CCDC174: variants seen among roughly 807,000 people sequenced by gnomAD.
The protein encoded by CCDC174 is coiled-coil domain-containing protein 174.
CCDC174 carries 37 observed loss-of-function variants against 57.1 expected under a neutral mutation model. The observed-to-expected ratio is 0.65, with a 90% CI of 0.50 to 0.85. The LOEUF is 0.85. CCDC174 is among the 40% of genes least tolerant of loss of function. The pLI is 0.00. For synonymous variants in CCDC174, 182 were observed against 190.2 expected (o/e 0.96, Z 0.35); for missense variants, 540 against 574.3 (o/e 0.94, Z 0.61).
At chr3:14,667,660 T>G in intron 8 of CCDC174, 142 bp downstream of exon 8, 1 of 675,050 alleles carries the variant, frequency 1.5e-6, no homozygotes. Flanking sequence ...CCATACTATT[T>G]TTGTGTTTCA....
chr3:14,666,999 A>T, intron 7 of CCDC174, 52 bp downstream of exon 7: 1 of 1,452,610 alleles, frequency 6.9e-7, no homozygotes, highest in South Asian at 1.3e-5. Flanking sequence ...CCTTAAACTG[A>T]TGGCAAACAT....
chr3:14,655,571 C>T lies in CCDC174; in HGVS notation c.190C>T (p.Arg64Ter), dbSNP rs2030929551. 5 of 1,609,806 alleles carry T rather than the reference C, an allele frequency of 3.1e-6. No homozygotes were observed. The highest frequency in any genetic ancestry group is 2.7e-5 in the African/African-American group (2 of 74,514). Residue 64 changes from arginine (R) to a stop codon, truncating the protein, a stop_gained, in exon 3 of 11, where the codon CGA (arginine) becomes TGA (stop). Coordinates refer to ENST00000383794, the MANE Select transcript of CCDC174 (RefSeq NM_016474.5). LOFTEE classifies it high-confidence loss of function. ...WSKQNVGVSN[R>*]AEKDAEQKIE... ...CAAACAGAATGTAGGCGTTTCAAAT[C>T]GAGCTGAGAAGGATGCTGAACAGAA...
At position 14,671,097 on chromosome 3, in the gene CCDC174, C is replaced by T. The variant is rs60239620; in HGVS notation, c.1307C>T (p.Thr436Met). The T allele has an allele frequency of 2.9e-4, 465 of 1,614,184 alleles. 1 individual carries two copies. The African/African-American group carries it at 3.9e-3, about 14-fold the overall frequency. Residue 436 changes from threonine to methionine, a missense_variant, in exon 11 of 11, where the codon ACG becomes ATG. Coordinates refer to ENST00000383794, the MANE Select transcript of CCDC174 (RefSeq NM_016474.5). ...AGCCACGGACCTAGCCCTGAACATA[C>T]GTCACCCACTCCTGCCCCCGACAAC... ...DQSHGPSPEHTSPTPAPDNPP... is the reference protein window; with the variant it reads ...DQSHGPSPEHMSPTPAPDNPP...
rs1312617856 is a variant in CCDC174, at chr3:14,651,999, A to G, written c.42+121A>G. ...CCAGAGACCTGACCTCTCCCCTCAAACAGGAACCCCCGAACTGGATTTTCT... is the reference window on the plus strand; with the variant it reads ...CCAGAGACCTGACCTCTCCCCTCAAGCAGGAACCCCCGAACTGGATTTTCT... On this transcript the variant is annotated intron_variant, in intron 1 of 10. Coordinates refer to ENST00000383794, the MANE Select transcript of CCDC174 (RefSeq NM_016474.5). 3 of 954,982 alleles carry G rather than the reference A, an allele frequency of 3.1e-6. No individual in the cohort carries two copies. The African/African-American group carries it at 4.9e-5, about 16-fold the overall frequency. The allele number at this position is 954,982 out of a possible 1,614,324, so 59.2% of individuals were successfully genotyped here.
chr3:14,652,019 T>A (rs2030785895), intron 1 of CCDC174, 141 bp downstream of exon 1: 1 of 840,554 alleles, frequency 1.2e-6, no homozygotes, highest in Non-Finnish European at 1.9e-6. Context: ...CCGAACTGGA[T>A]TTTCTTCTCC....
chr3:14,665,118 G>T lies in CCDC174; in HGVS notation c.576G>T (p.Gly192=). 3.1e-6 allele frequency: 5 copies of T among 1,610,412 alleles called. No homozygotes were observed. The highest frequency in any genetic ancestry group is 4.2e-6 in the Non-Finnish European group (5 of 1,176,548). The change falls in exon 6 of 11, where the codon GGG becomes GGT. Residue 192 remains glycine, a synonymous_variant. Coordinates refer to ENST00000383794, the MANE Select transcript of CCDC174 (RefSeq NM_016474.5). ...TGGAGATGGATAAAAATCTTCAGGG[G>T]AGACTGTAAGTGTGTGTGGTATACA... is the stretch of plus-strand genomic sequence containing the variant. ...DLLEMDKNLQ[G]RLFISPANEK...
chr3:14,659,700 TA>T lies in CCDC174; in HGVS notation c.307+781del, dbSNP rs897417780. 1.4e-3 allele frequency among the ~76,000 whole-genome samples: 195 copies of T among 144,292 alleles called. 1 individual carries two copies. Among genetic ancestry groups the T allele is most frequent in the African/African-American group, 3.9e-3 (154 of 39,274 alleles). 94.7% of individuals were successfully genotyped at this position (144,292 alleles called of 152,430 possible). A position where few individuals can be genotyped will look rare whatever the true frequency, so the allele number is the denominator to read the frequency against. ...GGGTGACAGAGTGTGACCCTATCTCTAAAAAAAAAACAAAAAACTCCCTTTT... is the reference window on the plus strand; with the variant it reads ...GGGTGACAGAGTGTGACCCTATCTCTAAAAAAAAACAAAAAACTCCCTTTT... On this transcript the variant is annotated intron_variant, in intron 4 of 10. Transcript: ENST00000383794.
intron 5 of CCDC174, among the ~76,000 whole-genome samples, chr3:14,663,615 G>A (rs2031223238): frequency 6.6e-6 from 1 of 152,148 alleles, no homozygotes; most frequent in Admixed American, 6.5e-5. Flanking sequence ...GGTGATTGCT[G>A]ATTAGATGGA....
At chr3:14,666,359 A>G (rs921039575) in intron 6 of CCDC174, among the ~76,000 whole-genome samples, 5 of 152,324 alleles carry the variant, frequency 3.3e-5, no homozygotes, top group Non-Finnish European at 4.4e-5. Flanking sequence ...GCAGTGGCTC[A>G]TGCCTGTAAT....
chr3:14,659,790 A>G (rs1242742700), intron 4 of CCDC174, among the ~76,000 whole-genome samples: 1 of 152,220 alleles, frequency 6.6e-6, no homozygotes, highest in Non-Finnish European at 1.5e-5. Flanking sequence ...TTTATGAGGC[A>G]GGGAGAGTGA....
At chr3:14,652,913 G>C (rs1252688502) in intron 1 of CCDC174, among the ~76,000 whole-genome samples, 1 of 111,586 alleles carries the variant, frequency 9.0e-6, no homozygotes, top group Non-Finnish European at 1.7e-5. Context: ...AGGGGCGGGG[G>C]GCGGGGGGAA....
intron 1 of CCDC174, among the ~76,000 whole-genome samples, chr3:14,653,321 T>G (rs2030839466): frequency 6.6e-6 from 1 of 152,246 alleles, no homozygotes; most frequent in East Asian, 1.9e-4. Context: ...TTGGTGTGGT[T>G]AAGTAAGCTT....
At chr3:14,659,698 T>C (rs530558593) in intron 4 of CCDC174, among the ~76,000 whole-genome samples, 1 of 151,086 alleles carries the variant, frequency 6.6e-6, no homozygotes, top group South Asian at 2.1e-4. Flanking sequence ...TGACCCTATC[T>C]CTAAAAAAAA....
chr3:14,668,153 A>G lies in CCDC174; in HGVS notation c.924A>G (p.Lys308=), dbSNP rs373772595. 2.2e-5 allele frequency: 35 copies of G among 1,611,790 alleles called. No homozygotes were observed. Among genetic ancestry groups the G allele is most frequent in the Non-Finnish European group, 2.8e-5 (33 of 1,179,252 alleles). Residue 308 remains lysine, a synonymous_variant, in exon 9 of 11, where the codon AAA becomes AAG. Transcript: ENST00000383794. The part of the protein sequence containing the change: ...KLRQKKMKKS[K]EGGTEEENRD... ...GACAAAAAAAGATGAAAAAATCAAA[A>G]GAAGGTGGAACAGAAGAAGAAAATA...
At position 14,670,060 on chromosome 3, in the gene CCDC174, A is replaced by C; in HGVS notation, c.1079A>C (p.His360Pro). The stretch of plus-strand genomic sequence containing the variant: ...AAGGACACCAAGCCTGGAGTGCCAC[A>C]CATCCGGGAGTGGGACCGCGGAAAA... ...ERKDTKPGVP[H>P]IREWDRGKEF... The change falls in exon 10 of 11, where the codon CAC becomes CCC. Residue 360 changes from histidine to proline, a missense_variant. His to Pro is a moderately conservative substitution (Grantham distance 77). Transcript: ENST00000383794. 1.2e-6 allele frequency: 2 copies of C among 1,611,642 alleles called. No homozygotes were observed. Among genetic ancestry groups the C allele is most frequent in the Non-Finnish European group, 1.7e-6 (2 of 1,179,248 alleles).
rs752318450 is a variant in CCDC174, at chr3:14,651,806, C to A, written c.-31C>A. 10 of 1,613,304 alleles carry A rather than the reference C, an allele frequency of 6.2e-6. No individual in the cohort carries two copies. The highest frequency in any genetic ancestry group is 1.6e-4 in the Middle Eastern group (1 of 6,082). On this transcript the variant is annotated 5_prime_UTR_variant, in exon 1 of 11. Transcript: ENST00000383794. Reference sequence around the variant, plus strand: ...GAGGCCTGTGTCGGGTAGAAAGGGTCCTTCCTGGACCGGGACCCTCTGCCA... The same window carrying A: ...GAGGCCTGTGTCGGGTAGAAAGGGTACTTCCTGGACCGGGACCCTCTGCCA...
At chr3:14,661,083 T>TA (rs1487254930) in intron 4 of CCDC174, among the ~76,000 whole-genome samples, 1 of 152,214 alleles carries the variant, frequency 6.6e-6, no homozygotes, top group Non-Finnish European at 1.5e-5. Context: ...TTAAAACACT[T>TA]ACCATACCAC....
intron 7 of CCDC174, chr3:14,667,209 C>G: frequency 3.3e-6 from 2 of 613,636 alleles, no homozygotes; most frequent in Non-Finnish European, 5.7e-6. Context: ...GCAAACGAAC[C>G]CTTGTTATGC....
rs2031513600 is a variant in CCDC174, at chr3:14,671,554, C to T, written c.*360C>T. The T allele has an allele frequency of 5.6e-6, 1 of 177,482 alleles. No homozygotes were observed. Among genetic ancestry groups the T allele is most frequent in the Admixed American group, 6.0e-5 (1 of 16,722 alleles). 11.0% of individuals were successfully genotyped at this position (177,482 alleles called of 1,614,324 possible). On this transcript the variant is annotated 3_prime_UTR_variant, in exon 11 of 11. Coordinates refer to ENST00000383794, the MANE Select transcript of CCDC174 (RefSeq NM_016474.5). ...TTTCCATTCCTTTTGCAAATCCGAG[C>T]ATGCAGGTGTCTTTATTCCAAGGGT...
Sources: gnomAD v4.1 joint callset for allele counts (sites outside exome capture counted in the v4.1 genomes callset) on GRCh38, gnomAD v4.1.1 for gene constraint, MANE v1.5 for transcripts, NCBI Gene and HGNC (gene_info 2026-07-23, HGNC 2026-07-21) for gene names.